Variants in KIAA0319 observed in about 807,000 individuals in gnomAD.
KIAA0319 encodes the protein KIAA0319.
A neutral mutation model predicts 108.4 loss-of-function variants in KIAA0319; 83 were observed. That is an observed-to-expected ratio of 0.77 (90% CI 0.64 to 0.92). KIAA0319 has a LOEUF of 0.92. Among genes scored for constraint, KIAA0319 ranks in the 40% least tolerant of loss-of-function variants. The pLI is 0.00. For synonymous variants in KIAA0319, 484 were observed against 510.4 expected, an observed-to-expected ratio of 0.95 and a Z score of 0.70; for missense variants, 1,195 against 1,322.4, an observed-to-expected ratio of 0.90 and a Z score of 1.49.
chr6:24,627,601 G>A (rs1321833314), intron 1 of KIAA0319, among the ~76,000 whole-genome samples: 2 of 152,138 alleles, frequency 1.3e-5, no homozygotes, highest in African/African-American at 4.8e-5. Flanking sequence ...TCACAGCAAG[G>A]GCCTACCTAG....
intron 1 of KIAA0319, among the ~76,000 whole-genome samples, chr6:24,605,719 C>G (rs917873353): frequency 6.6e-6 from 1 of 152,138 alleles, no homozygotes; most frequent in Non-Finnish European, 1.5e-5. Flanking sequence ...AATGTCCCCC[C>G]ATGGTGAAAA....
rs1224380659 is a variant in KIAA0319 at position 24,599,063 on chromosome 6, C to T, written c.55+1986G>A. On this transcript the variant is annotated intron_variant, in intron 2 of 20. Coordinates refer to ENST00000378214, the MANE Select transcript of KIAA0319 (RefSeq NM_014809.4). This position sits in a 1 kb window ranked among gnomAD's most constrained non-coding sequence, Gnocchi z 4.1. ...AAGAGGAGATCCAGGAGCTGCAGTCCCAGATCTGGGACACATCTGTGGTGC... is the reference window on the plus strand; with the variant it reads ...AAGAGGAGATCCAGGAGCTGCAGTCTCAGATCTGGGACACATCTGTGGTGC... 5.4e-6 allele frequency: 4 copies of T among 744,892 alleles called. No individual in the cohort carries two copies. Among genetic ancestry groups the T allele is most frequent in the African/African-American group, 5.1e-5 (3 of 58,538 alleles). 46.1% of individuals were successfully genotyped at this position (744,892 alleles called of 1,614,324 possible).
Position 24,588,513 on chromosome 6 carries a change from T to G in KIAA0319, c.994+80A>C, listed in dbSNP as rs1054790324. On this transcript the variant is annotated intron_variant, in intron 4 of 20. Transcript: ENST00000378214. The stretch of plus-strand genomic sequence containing the variant: ...GAAAAATGTGCCTGGAGGGAATGAG[T>G]AAACTTTAAAAGTTGTCACCACCAA... 25 of 1,235,568 alleles carry G rather than the reference T, an allele frequency of 2.0e-5. No homozygotes were observed. The African/African-American group carries it at 3.3e-4, about 16-fold the overall frequency. 76.5% of individuals were successfully genotyped at this position (1,235,568 alleles called of 1,614,324 possible).
chr6:24,602,205 C>T (rs1310720752), intron 1 of KIAA0319, among the ~76,000 whole-genome samples: 4 of 152,050 alleles, frequency 2.6e-5, no homozygotes, highest in African/African-American at 7.2e-5. Flanking sequence ...TTAGTAGAGA[C>T]GGGGTTTTGC....
At chr6:24,578,345 T>C in intron 8 of KIAA0319, 103 bp from the exon 9 acceptor site, 1 of 840,780 alleles carries the variant, frequency 1.2e-6, no homozygotes, top group South Asian at 2.0e-5. Flanking sequence ...TATAAGAAAT[T>C]ATGTACTTGC....
At chr6:24,561,869 A>AT (rs1763151824) in intron 16 of KIAA0319, among the ~76,000 whole-genome samples, 1 of 152,042 alleles carries the variant, frequency 6.6e-6, no homozygotes. Flanking sequence ...CACCCAGCTA[A>AT]TTTTTGTATT....
At chr6:24,570,113 T>A (rs893948289) in intron 11 of KIAA0319, 78 bp from the exon 12 acceptor site, 7 of 1,398,062 alleles carry the variant, frequency 5.0e-6, no homozygotes, top group Non-Finnish European at 6.9e-6. Flanking sequence ...TTGATTTAAG[T>A]ACATTACTCA....
Position 24,599,289 on chromosome 6 carries a change from A to G in KIAA0319, c.55+1760T>C. 1 of 487,644 alleles carries G rather than the reference A, an allele frequency of 2.1e-6. No homozygotes were observed. Among genetic ancestry groups the G allele is most frequent in the South Asian group, 1.9e-5 (1 of 51,340 alleles). 30.2% of individuals were successfully genotyped at this position (487,644 alleles called of 1,614,324 possible). ...GATGGAGATCTCTGAGATGAATCAGAACATCAGCCGGCTCCAGACTGAGAC... is the reference window on the plus strand; with the variant it reads ...GATGGAGATCTCTGAGATGAATCAGGACATCAGCCGGCTCCAGACTGAGAC... On this transcript the variant is annotated intron_variant, in intron 2 of 20. Coordinates refer to ENST00000378214, the MANE Select transcript of KIAA0319 (RefSeq NM_014809.4). The surrounding 1 kb of genome is among the most constrained non-coding windows in gnomAD (Gnocchi z 4.1).
At chr6:24,600,521 G>A (rs1055912728) in intron 2 of KIAA0319, 35 of 726,290 alleles carry the variant, frequency 4.8e-5, no homozygotes, top group East Asian at 3.2e-4. Context: ...CAAGGGTCTC[G>A]CTAAGGTTAT....
chr6:24,585,787 A>G (rs1767386461), intron 4 of KIAA0319, among the ~76,000 whole-genome samples: 1 of 152,158 alleles, frequency 6.6e-6, no homozygotes, highest in South Asian at 2.1e-4. Flanking sequence ...ATGTCTCCCT[A>G]AAATGTATAA....
intron 6 of KIAA0319, among the ~76,000 whole-genome samples, chr6:24,581,933 C>T (rs925528054): frequency 6.6e-6 from 1 of 152,176 alleles, no homozygotes; most frequent in East Asian, 1.9e-4. Flanking sequence ...CACTTGAGGT[C>T]AGGAATTCAA....
At chr6:24,597,120 A>T (rs915413422) in intron 2 of KIAA0319, among the ~76,000 whole-genome samples, 3 of 152,218 alleles carry the variant, frequency 2.0e-5, no homozygotes, top group Admixed American at 2.0e-4. Context: ...TTATTTTTTC[A>T]TATAGTTTCA....
At chr6:24,616,850 T>C (rs1409219688) in intron 1 of KIAA0319, among the ~76,000 whole-genome samples, 1 of 152,170 alleles carries the variant, frequency 6.6e-6, no homozygotes, top group Admixed American at 6.5e-5. Context: ...GCTTTCTTAG[T>C]TTTCTATATA....
In KIAA0319 at chr6:24,586,582, A is replaced by G. The variant is rs1767531388; in HGVS notation, c.994+2011T>C. Among the ~76,000 whole-genome samples the G allele has an allele frequency of 2.6e-5, 4 of 152,174 alleles. No homozygotes were observed. In the South Asian group the frequency reaches 8.3e-4, roughly 32 times the overall value. On this transcript the variant is annotated intron_variant, in intron 4 of 20. Coordinates refer to ENST00000378214, the MANE Select transcript of KIAA0319 (RefSeq NM_014809.4). Reference sequence around the variant, plus strand: ...CCTTTGGCCACTTGCCTTCCCCACAATCCTCTTTCCTTGTTTTAGTTCAAG... The same window carrying G: ...CCTTTGGCCACTTGCCTTCCCCACAGTCCTCTTTCCTTGTTTTAGTTCAAG...
intron 2 of KIAA0319, chr6:24,598,372 C>G: frequency 1.6e-6 from 1 of 640,372 alleles, no homozygotes; most frequent in South Asian, 1.4e-5. Flanking sequence ...GTTCCTGGAG[C>G]AGCAGAACAA....
intron 1 of KIAA0319, among the ~76,000 whole-genome samples, chr6:24,629,575 G>A (rs963160191): frequency 1.1e-4 from 16 of 151,086 alleles, no homozygotes; most frequent in Non-Finnish European, 5.9e-5. Flanking sequence ...CCAGCATAAG[G>A]TACTGTACAG....
At chr6:24,612,890 C>G (rs1424703872) in intron 1 of KIAA0319, among the ~76,000 whole-genome samples, 1 of 152,192 alleles carries the variant, frequency 6.6e-6, no homozygotes, top group East Asian at 1.9e-4. Flanking sequence ...GCTCCGCCTC[C>G]CCGGTTCACG....
At chr6:24,634,867 C>A (rs537223227) in intron 1 of KIAA0319, among the ~76,000 whole-genome samples, 1 of 152,158 alleles carries the variant, frequency 6.6e-6, no homozygotes, top group East Asian at 1.9e-4. Flanking sequence ...TTGAGAGCTT[C>A]AATATTTAAA....
chr6:24,636,783 CT>C (rs1306386978), intron 1 of KIAA0319, among the ~76,000 whole-genome samples: 1 of 151,852 alleles, frequency 6.6e-6, no homozygotes, highest in Non-Finnish European at 1.5e-5. Flanking sequence ...ATTTATTTTC[CT>C]TTTTTAAAAA....
Sources: gnomAD v4.1 joint callset for allele counts (sites outside exome capture counted in the v4.1 genomes callset) on GRCh38, gnomAD v4.1.1 for gene constraint, Gnocchi (gnomAD v3.1) non-coding constraint, MANE v1.5 for transcripts, NCBI Gene and HGNC (gene_info 2026-07-23, HGNC 2026-07-21) for gene names.